The following SRGAP3 variants were observed in gnomAD, a reference collection of about 807,000 sequenced individuals.
SRGAP3 encodes the protein SLIT-ROBO Rho GTPase activating protein 3, also known as SLIT-ROBO Rho GTPase-activating protein 3.
A neutral mutation model predicts 121.1 loss-of-function variants in SRGAP3; 39 were observed. The ratio of observed to expected loss-of-function variants is 0.32; its 90% CI spans 0.25 to 0.42. SRGAP3 has a LOEUF of 0.42. Among genes scored for constraint, SRGAP3 ranks in the 10% least tolerant of loss-of-function variants. The pLI, the probability that SRGAP3 is intolerant of heterozygous loss-of-function variation, is 1.00. For missense variants in SRGAP3, 1,213 were observed against 1,470.6 expected, an observed-to-expected ratio of 0.82 and a Z score of 2.86; for synonymous variants, 601 against 570.0, an observed-to-expected ratio of 1.05 and a Z score of -0.77.
intron 3 of SRGAP3, among the ~76,000 whole-genome samples, chr3:9,287,595 A>C (rs1354378416): frequency 1.3e-5 from 2 of 152,202 alleles, no homozygotes; most frequent in Non-Finnish European, 2.9e-5. Context: ...TAGGCAGTGG[A>C]GCCTATAAAA....
At chr3:9,110,915 G>A (rs184489561) in intron 2 of SRGAP3, among the ~76,000 whole-genome samples, 38 of 152,380 alleles carry the variant, frequency 2.5e-4, no homozygotes, top group East Asian at 7.7e-4. Flanking sequence ...CCACCTGGAC[G>A]TGGGCATGGG....
intron 3 of SRGAP3, among the ~76,000 whole-genome samples, chr3:9,258,330 G>A (rs2125254763): frequency 6.6e-6 from 1 of 152,308 alleles, no homozygotes; most frequent in East Asian, 1.9e-4. Context: ...CATGAGCCAA[G>A]GGGACAATTG....
chr3:9,052,991 C>T (rs770805702), intron 9 of SRGAP3, 36 bp downstream of exon 9: 2 of 1,602,882 alleles, frequency 1.2e-6, no homozygotes, highest in Middle Eastern at 2.1e-4. Context: ...AGTGGCTTGG[C>T]CGACAGTGTG....
rs568796334 is a variant in SRGAP3, at chr3:9,054,890, C to T, written c.1125+1343G>A. 1.2e-4 allele frequency among the ~76,000 whole-genome samples: 19 copies of T among 152,266 alleles called. No homozygotes were observed. The East Asian group carries it at 1.5e-3, about 12-fold the overall frequency. ...TACACAAATCAATTCTTCTTTCTAACGCAGCATGACAGGAAGCTCAGGTTC... is the reference window on the plus strand; with the variant it reads ...TACACAAATCAATTCTTCTTTCTAATGCAGCATGACAGGAAGCTCAGGTTC... On this transcript the variant is annotated intron_variant, in intron 8 of 21. Transcript: ENST00000383836.
chr3:9,036,925 G>A (rs990305376), intron 11 of SRGAP3: 4 of 152,222 alleles, frequency 2.6e-5, no homozygotes, highest in African/African-American at 9.7e-5. Flanking sequence ...TGCCTGGTGT[G>A]AATCATCCTG....
intron 3 of SRGAP3, among the ~76,000 whole-genome samples, chr3:9,262,964 A>C (rs867539142): frequency 2.0e-5 from 3 of 152,164 alleles, no homozygotes; most frequent in Middle Eastern, 3.2e-3. Flanking sequence ...TGACCACATA[A>C]TTGGAAGTAA....
intron 3 of SRGAP3, among the ~76,000 whole-genome samples, chr3:9,255,006 AGG>A (rs1226727635): frequency 3.2e-5 from 4 of 125,226 alleles, no homozygotes; most frequent in Non-Finnish European, 7.0e-5. Flanking sequence ...AGGGGAAGGA[AGG>A]AAGGAAAAAG....
Position 9,210,735 on chromosome 3 carries a change from C to T in SRGAP3, c.67+38150G>A, listed in dbSNP as rs1952419722. Among the ~76,000 whole-genome samples, 2 of 151,918 alleles carry T rather than the reference C, an allele frequency of 1.3e-5. 1 individual carries two copies. Among genetic ancestry groups the T allele is most frequent in the South Asian group, 4.2e-4 (2 of 4,812 alleles). On this transcript the variant is annotated intron_variant, in intron 1 of 21. Coordinates refer to ENST00000383836, the MANE Select transcript of SRGAP3 (RefSeq NM_014850.4). ...GTCCCAACTACTTGGGAAGCAGAGC[C>T]AGGAGAATCTCTTGAACACAAGAGG...
chr3:9,163,525 G>A (rs1488832846), intron 1 of SRGAP3, among the ~76,000 whole-genome samples: 1 of 152,192 alleles, frequency 6.6e-6, no homozygotes, highest in East Asian at 1.9e-4. Context: ...CACTGAAGTG[G>A]GGCTAAATTT....
intron 21 of SRGAP3, among the ~76,000 whole-genome samples, chr3:8,988,365 T>C (rs567391543): frequency 1.3e-5 from 2 of 152,310 alleles, no homozygotes; most frequent in Non-Finnish European, 2.9e-5. Flanking sequence ...CTTTGCAGCC[T>C]GCAAAGTCAA....
intron 15 of SRGAP3, chr3:9,014,185 TGGCATAGAGCCGGACGG>T (rs1423226968): frequency 2.6e-6 from 1 of 391,702 alleles, no homozygotes; most frequent in Non-Finnish European, 4.9e-6. Context: ...AGAGTGAAGC[TGGCATAGAGCCGGACGG>T]GGCATATATC....
At chr3:9,149,168 C>G (rs1950125904) in intron 1 of SRGAP3, among the ~76,000 whole-genome samples, 1 of 149,204 alleles carries the variant, frequency 6.7e-6, no homozygotes, top group Non-Finnish European at 1.5e-5. Context: ...GAGCCGAGAT[C>G]GCGCCACTGC....
intron 10 of SRGAP3, among the ~76,000 whole-genome samples, chr3:9,041,286 C>T (rs1945000809): frequency 6.6e-6 from 1 of 152,226 alleles, no homozygotes; most frequent in African/African-American, 2.4e-5. Flanking sequence ...CCTCCACAAA[C>T]ACAAGGTGAG....
chr3:9,240,830 G>C lies in SRGAP3; in HGVS notation c.67+8055C>G, dbSNP rs533874397. On this transcript the variant is annotated intron_variant, in intron 1 of 21. Transcript: ENST00000383836. ...TGGCAGCCTGCATCACAGCCGTGCG[G>C]GCAGTTTTGCAGTGGACACTTTCCC... Among the ~76,000 whole-genome samples, 15 of 152,330 alleles carry C rather than the reference G, an allele frequency of 9.8e-5. 2 individuals are homozygous for C. In the East Asian group the frequency reaches 2.9e-3, roughly 29 times the overall value.
chr3:9,087,393 A>C (rs887551200), intron 3 of SRGAP3, among the ~76,000 whole-genome samples: 5 of 151,828 alleles, frequency 3.3e-5, no homozygotes, highest in Non-Finnish European at 5.9e-5. Flanking sequence ...TATAAAATCA[A>C]ATTTTTTAGT....
chr3:9,281,901 A>G (rs756312391), intron 3 of SRGAP3, among the ~76,000 whole-genome samples: 1 of 152,150 alleles, frequency 6.6e-6, no homozygotes, highest in Non-Finnish European at 1.5e-5. Flanking sequence ...TCAAACCTCA[A>G]GTGACCCGCC....
At chr3:9,093,549 C>A (rs1269293372) in intron 3 of SRGAP3, among the ~76,000 whole-genome samples, 1 of 151,832 alleles carries the variant, frequency 6.6e-6, no homozygotes, top group Non-Finnish European at 1.5e-5. Flanking sequence ...ACCCACTCAT[C>A]CACTCATCCA....
intron 1 of SRGAP3, among the ~76,000 whole-genome samples, chr3:9,176,831 C>A (rs962789542): frequency 2.6e-5 from 4 of 152,218 alleles, no homozygotes; most frequent in Non-Finnish European, 5.9e-5. Flanking sequence ...TCCTCCTCTA[C>A]CCTGACCCAA....
At chr3:9,030,708 A>G (rs1445849533) in intron 12 of SRGAP3, among the ~76,000 whole-genome samples, 3 of 152,204 alleles carry the variant, frequency 2.0e-5, no homozygotes, top group African/African-American at 7.2e-5. Flanking sequence ...ACTCAACAGA[A>G]TATCTACTTG....
Sources: gnomAD v4.1 joint callset for allele counts (sites outside exome capture counted in the v4.1 genomes callset) on GRCh38, gnomAD v4.1.1 for gene constraint, MANE v1.5 for transcripts, NCBI Gene and HGNC (gene_info 2026-07-23, HGNC 2026-07-21) for gene names.